Variants in BEND7 observed in about 807,000 individuals in gnomAD.
The protein encoded by BEND7 is BEN domain containing 7, also known as BEN domain-containing protein 7.
In BEND7, 28 loss-of-function variants were observed where a neutral mutation model predicts 50.9. The observed-to-expected ratio is 0.55, with a 90% CI of 0.41 to 0.75. The LOEUF is 0.75. Among genes scored for constraint, BEND7 ranks in the 30% least tolerant of loss-of-function variants. The pLI is 0.00. For synonymous variants in BEND7, 170 were observed against 183.9 expected, an observed-to-expected ratio of 0.92 and a Z score of 0.61; for missense variants, 477 against 491.3, an observed-to-expected ratio of 0.97 and a Z score of 0.28.
chr10:13,475,747 T>G (rs111833751), intron 6 of BEND7, among the ~76,000 whole-genome samples: 2 of 152,222 alleles, frequency 1.3e-5, no homozygotes, highest in Non-Finnish European at 2.9e-5. Context: ...AACTGAAACA[T>G]CTTTCTTTCT....
chr10:13,464,780 T>C (rs2131346625), intron 6 of BEND7, among the ~76,000 whole-genome samples: 1 of 152,280 alleles, frequency 6.6e-6, no homozygotes, highest in South Asian at 2.1e-4. Flanking sequence ...ATCAGAAAAT[T>C]TCTCCTAGGG....
intron 5 of BEND7, among the ~76,000 whole-genome samples, chr10:13,487,395 T>TC (rs1240525559): frequency 6.7e-6 from 1 of 150,008 alleles, no homozygotes; most frequent in Non-Finnish European, 1.5e-5. Flanking sequence ...TTTCTTTTTT[T>TC]TTTTTTTTTG....
chr10:13,456,204 A>T (rs1049557644), intron 6 of BEND7, among the ~76,000 whole-genome samples: 7 of 152,138 alleles, frequency 4.6e-5, no homozygotes, highest in South Asian at 2.1e-4. Context: ...ATCTATAGAG[A>T]TCAGGGAGTG....
intron 2 of BEND7, chr10:13,500,803 C>G: frequency 1.0e-6 from 1 of 985,436 alleles, no homozygotes; most frequent in Non-Finnish European, 1.2e-6. Context: ...CGAGGGGTCC[C>G]TGCCACTCGA....
At chr10:13,485,399 T>C (rs999942565) in intron 5 of BEND7, among the ~76,000 whole-genome samples, 2 of 152,192 alleles carry the variant, frequency 1.3e-5, no homozygotes, top group African/African-American at 2.4e-5. Flanking sequence ...GTGTATTATA[T>C]AGGGTCACCT....
intron 6 of BEND7, among the ~76,000 whole-genome samples, chr10:13,459,286 C>G (rs1465605603): frequency 1.3e-5 from 2 of 152,138 alleles, no homozygotes; most frequent in Admixed American, 6.5e-5. Flanking sequence ...GAGTGTGCGG[C>G]AGGGGAGCTG....
chr10:13,472,169 G>T (rs559376457), intron 6 of BEND7, among the ~76,000 whole-genome samples: 1 of 151,186 alleles, frequency 6.6e-6, no homozygotes, highest in African/African-American at 2.4e-5. Flanking sequence ...ACTCGTCATC[G>T]CTGTTACACT....
chr10:13,478,428 G>A (rs888465241), intron 6 of BEND7, among the ~76,000 whole-genome samples: 2 of 152,170 alleles, frequency 1.3e-5, no homozygotes, highest in African/African-American at 4.8e-5. Context: ...AGAGCAACAG[G>A]TAATAAAAAC....
downstream of BEND7, among the ~76,000 whole-genome samples, chr10:13,440,278 G>C (rs1835160103): frequency 6.6e-6 from 1 of 152,174 alleles, no homozygotes; most frequent in Non-Finnish European, 1.5e-5. Context: ...TATGACGTGG[G>C]TCCCTGACAC....
At chr10:13,464,845 A>C (rs2074071531) in intron 6 of BEND7, among the ~76,000 whole-genome samples, 1 of 152,194 alleles carries the variant, frequency 6.6e-6, no homozygotes, top group Non-Finnish European at 1.5e-5. Context: ...CCTTACACAC[A>C]CACTCTTTTG....
At chr10:13,502,190 ATG>A (rs1401668500) in intron 2 of BEND7, among the ~76,000 whole-genome samples, 2 of 152,178 alleles carry the variant, frequency 1.3e-5, no homozygotes, top group African/African-American at 4.8e-5. Context: ...TTATTAATAT[ATG>A]TGTTATGTTA....
chr10:13,448,034 T>C (rs532573817), intron 7 of BEND7, among the ~76,000 whole-genome samples: 2 of 152,146 alleles, frequency 1.3e-5, no homozygotes, highest in Non-Finnish European at 2.9e-5. Context: ...CTGATTCAGA[T>C]CCTAGAACTG....
chr10:13,459,968 A>G (rs1839877649), intron 6 of BEND7: 1 of 152,256 alleles, frequency 6.6e-6, no homozygotes, highest in African/African-American at 2.4e-5. Flanking sequence ...TCTAAGCCAC[A>G]GCTTGGCTGC....
intron 2 of BEND7, among the ~76,000 whole-genome samples, chr10:13,509,708 G>A (rs1024318683): frequency 4.6e-5 from 7 of 152,160 alleles, no homozygotes; most frequent in East Asian, 3.8e-4. Flanking sequence ...AAAAGAGAAC[G>A]GCACTGAACG....
chr10:13,459,000 G>A lies in BEND7; in HGVS notation c.1064-6342C>T, dbSNP rs370565310. Among the ~76,000 whole-genome samples the A allele has an allele frequency of 3.9e-5, 6 of 152,338 alleles. No homozygotes were observed. The East Asian group carries it at 9.6e-4, about 24-fold the overall frequency. On this transcript the variant is annotated intron_variant, in intron 6 of 8. Coordinates refer to ENST00000466271, the MANE Select transcript of BEND7 (RefSeq NM_001369863.1). Reference sequence around the variant, plus strand: ...GTTACTGATGACAAAATCCAAGTATGGGCAGCTTAAATGACTGGCCTGAGA... The same window carrying A: ...GTTACTGATGACAAAATCCAAGTATAGGCAGCTTAAATGACTGGCCTGAGA...
chr10:13,454,856 C>T (rs1252469069), intron 6 of BEND7, among the ~76,000 whole-genome samples: 1 of 152,112 alleles, frequency 6.6e-6, no homozygotes, highest in Non-Finnish European at 1.5e-5. Flanking sequence ...TTAAGAGGCA[C>T]AGACATACAT....
chr10:13,452,998 A>C (rs1838111652), intron 6 of BEND7, among the ~76,000 whole-genome samples: 1 of 152,248 alleles, frequency 6.6e-6, no homozygotes, highest in African/African-American at 2.4e-5. Flanking sequence ...GACAAGGTTT[A>C]GCAAACGTAT....
intron 2 of BEND7, among the ~76,000 whole-genome samples, chr10:13,520,020 C>A (rs951145406): frequency 1.3e-5 from 2 of 152,108 alleles, no homozygotes; most frequent in African/African-American, 2.4e-5. Context: ...AAACAGACAG[C>A]GAACTGAAAG....
intron 6 of BEND7, among the ~76,000 whole-genome samples, chr10:13,478,670 A>G (rs1469044970): frequency 6.6e-6 from 1 of 152,230 alleles, no homozygotes; most frequent in Non-Finnish European, 1.5e-5. Context: ...TGCATTTTAA[A>G]ATAAATATTA....
Sources: gnomAD v4.1 joint callset for allele counts (sites outside exome capture counted in the v4.1 genomes callset) on GRCh38, gnomAD v4.1.1 for gene constraint, MANE v1.5 for transcripts, NCBI Gene and HGNC (gene_info 2026-07-23, HGNC 2026-07-21) for gene names.